DLG2: variants seen among roughly 807,000 people sequenced by gnomAD.
The protein encoded by DLG2 is disks large homolog 2.
In DLG2, 45 loss-of-function variants were observed where a neutral mutation model predicts 132.5. That is an observed-to-expected ratio of 0.34 (90% CI 0.27 to 0.44). DLG2 has a LOEUF of 0.44. Among genes scored for constraint, DLG2 ranks in the 20% least tolerant of loss-of-function variants. DLG2 has a pLI of 1.00. For synonymous variants in DLG2, 424 were observed against 419.6 expected (o/e 1.01, Z -0.13); for missense variants, 1,045 against 1,196.9 (o/e 0.87, Z 1.87).
At chr11:84,200,958 C>T (rs2096584216) in intron 8 of DLG2, among the ~76,000 whole-genome samples, 1 of 152,162 alleles carries the variant, frequency 6.6e-6, no homozygotes, top group Non-Finnish European at 1.5e-5. Context: ...TGCCTGATTT[C>T]CCTGGCAGAA....
At chr11:83,841,757 T>C (rs1244133522) in intron 16 of DLG2, among the ~76,000 whole-genome samples, 1 of 152,216 alleles carries the variant, frequency 6.6e-6, no homozygotes, top group Admixed American at 6.5e-5. Flanking sequence ...AAAAACAAAG[T>C]TAGATAGCTA....
chr11:84,992,606 A>G (rs1566596530), intron 6 of DLG2, among the ~76,000 whole-genome samples: 1 of 152,294 alleles, frequency 6.6e-6, no homozygotes, highest in East Asian at 1.9e-4. Context: ...GTGAGATGGT[A>G]TCTCACTGCG....
At chr11:84,126,936 A>T (rs2154211613) in intron 9 of DLG2, among the ~76,000 whole-genome samples, 1 of 152,318 alleles carries the variant, frequency 6.6e-6, no homozygotes, top group East Asian at 1.9e-4. Flanking sequence ...TGAATAAGTG[A>T]ATGTCAGTGA....
chr11:85,539,621 T>C (rs1246401508), intron 3 of DLG2, among the ~76,000 whole-genome samples: 1 of 152,192 alleles, frequency 6.6e-6, no homozygotes, highest in African/African-American at 2.4e-5. Context: ...ACCACCAAAT[T>C]GTACACTTTA....
intron 6 of DLG2, among the ~76,000 whole-genome samples, chr11:84,696,891 TA>T (rs1445077327): frequency 6.6e-6 from 1 of 151,428 alleles, no homozygotes; most frequent in Non-Finnish European, 1.5e-5. Flanking sequence ...TAGGTATTAT[TA>T]TTATAATAAT....
intron 3 of DLG2, among the ~76,000 whole-genome samples, chr11:85,542,595 G>T (rs76986461): frequency 2.0e-5 from 3 of 151,972 alleles, no homozygotes; most frequent in South Asian, 2.1e-4. Context: ...ACAATACAAA[G>T]AATCCTGACT....
intron 15 of DLG2, among the ~76,000 whole-genome samples, chr11:83,883,852 T>C (rs1477053763): frequency 6.8e-6 from 1 of 147,548 alleles, no homozygotes; most frequent in Non-Finnish European, 1.5e-5. Context: ...ACAAAGAAAA[T>C]GAAAAACTGA....
At chr11:85,332,069 T>G (rs903730319) in intron 3 of DLG2, among the ~76,000 whole-genome samples, 4 of 152,202 alleles carry the variant, frequency 2.6e-5, no homozygotes, top group African/African-American at 9.6e-5. Flanking sequence ...TGAACTAATT[T>G]ATACTCACAC....
intron 9 of DLG2, among the ~76,000 whole-genome samples, chr11:84,154,959 C>T (rs1164263439): frequency 2.6e-5 from 4 of 152,050 alleles, no homozygotes; most frequent in Non-Finnish European, 5.9e-5. Context: ...AAAGAAACTA[C>T]CATCAGAGTG....
chr11:84,544,791 G>C (rs1275082697), intron 6 of DLG2, among the ~76,000 whole-genome samples: 2 of 152,126 alleles, frequency 1.3e-5, no homozygotes, highest in Non-Finnish European at 2.9e-5. Flanking sequence ...CTTTGGCTTG[G>C]AGTCTCAAGA....
At chr11:85,164,893 CA>C (rs1174730905) in intron 4 of DLG2, among the ~76,000 whole-genome samples, 1 of 152,116 alleles carries the variant, frequency 6.6e-6, no homozygotes, top group Non-Finnish European at 1.5e-5. Context: ...TCTTACTGCC[CA>C]CACATCCTTT....
At chr11:84,849,606 T>C (rs549592541) in intron 6 of DLG2, among the ~76,000 whole-genome samples, 1 of 152,160 alleles carries the variant, frequency 6.6e-6, no homozygotes, top group African/African-American at 2.4e-5. Flanking sequence ...TCATCATCTC[T>C]TAGCACAACT....
At chr11:83,461,580 A>T (rs940459297) in intron 27 of DLG2, 2 of 155,628 alleles carry the variant, frequency 1.3e-5, no homozygotes, top group African/African-American at 4.8e-5. Context: ...AAGCTCATGG[A>T]GCTGGGGACG....
intron 7 of DLG2, among the ~76,000 whole-genome samples, chr11:84,481,333 AT>A (rs1475305005): frequency 6.6e-6 from 1 of 152,064 alleles, no homozygotes; most frequent in Non-Finnish European, 1.5e-5. Flanking sequence ...ACTCTGCATC[AT>A]TAGATCTCTT....
At chr11:84,367,221 G>A (rs1426190993) in intron 7 of DLG2, among the ~76,000 whole-genome samples, 3 of 152,094 alleles carry the variant, frequency 2.0e-5, no homozygotes, top group Non-Finnish European at 4.4e-5. Context: ...CTTCTAAGTC[G>A]AGGACCAGCA....
intron 9 of DLG2, among the ~76,000 whole-genome samples, chr11:84,160,889 A>T (rs2095532085): frequency 6.6e-6 from 1 of 152,214 alleles, no homozygotes; most frequent in Admixed American, 6.5e-5. Context: ...TCTCAAAAAC[A>T]TATTAAGGCA....
At chr11:85,543,110 C>T (rs2076079464) in intron 3 of DLG2, among the ~76,000 whole-genome samples, 9 of 151,952 alleles carry the variant, frequency 5.9e-5, no homozygotes, top group Admixed American at 3.3e-4. Flanking sequence ...CTACATTAGG[C>T]ATTTCTACTA....
chr11:84,301,924 A>C (rs1177697499), intron 7 of DLG2, among the ~76,000 whole-genome samples: 4 of 152,206 alleles, frequency 2.6e-5, no homozygotes, highest in African/African-American at 9.6e-5. Flanking sequence ...CACTATTCAC[A>C]GTAGCAAAGA....
At chr11:84,114,126 G>A (rs1303388558) in intron 9 of DLG2, among the ~76,000 whole-genome samples, 4 of 151,676 alleles carry the variant, frequency 2.6e-5, no homozygotes, top group Non-Finnish European at 2.9e-5. Flanking sequence ...TATTTAATGG[G>A]TTTATTATTA....
Sources: allele counts gnomAD v4.1 joint callset (sites outside exome capture counted in the v4.1 genomes callset), GRCh38; gene constraint gnomAD v4.1.1; transcripts MANE v1.5; gene names NCBI Gene and HGNC (gene_info 2026-07-23, HGNC 2026-07-21).